FREM2: variants seen among roughly 807,000 people sequenced by gnomAD.
FREM2 encodes FRAS1 related extracellular matrix 2.
A neutral mutation model predicts 219.9 loss-of-function variants in FREM2; 119 were observed. The observed-to-expected ratio is 0.54, with a 90% CI of 0.47 to 0.63. The LOEUF (loss-of-function observed/expected upper bound fraction) is 0.63, where lower values mean the gene tolerates loss of function less well. FREM2 is among the 30% of genes least tolerant of loss of function. The pLI is 0.00. For missense variants in FREM2, 4,030 were observed against 3,993.6 expected (o/e 1.01, Z -0.25); for synonymous variants, 1,562 against 1,522.8 (o/e 1.03, Z -0.60).
intron 6 of FREM2, among the ~76,000 whole-genome samples, chr13:38,826,814 CTGA>C (rs978770724): frequency 2.0e-5 from 3 of 152,008 alleles, no homozygotes; most frequent in Admixed American, 6.6e-5. Context: ...TATGTGACTT[CTGA>C]TTGGTGATTT....
At chr13:38,838,975 A>T (rs1876831002) in intron 6 of FREM2, among the ~76,000 whole-genome samples, 1 of 152,060 alleles carries the variant, frequency 6.6e-6, no homozygotes, top group Non-Finnish European at 1.5e-5. Flanking sequence ...CGTCAAACTC[A>T]TTCTACACCC....
At chr13:38,877,959 G>T (rs562690182) in intron 21 of FREM2, among the ~76,000 whole-genome samples, 175 bp from the exon 22 acceptor site, 1 of 152,252 alleles carries the variant, frequency 6.6e-6, no homozygotes, top group East Asian at 1.9e-4. Context: ...TCTTACCTGA[G>T]GCCTGAGAAT....
rs59108347 is a variant in FREM2 at position 38,709,986 on chromosome 13, TACACACACACACACACAC to T, written c.5263+12233_5263+12250del. Among the ~76,000 whole-genome samples, 968 of 130,412 alleles carry T rather than the reference TACACACACACACACACAC, an allele frequency of 7.4e-3. 11 individuals carry two copies. Among genetic ancestry groups the T allele is most frequent in the African/African-American group, 0.015 (546 of 35,330 alleles). The allele number at this position is 130,412 out of a possible 152,430, so 85.6% of individuals were successfully genotyped here. A position where few individuals can be genotyped will look rare whatever the true frequency, so the allele number is the denominator to read the frequency against. On this transcript the variant is annotated intron_variant, in intron 2 of 23. Coordinates refer to ENST00000280481, the MANE Select transcript of FREM2 (RefSeq NM_207361.6). ...GGTGAAAAATTAGTCTAACTAAAAA[TACACACACACACACACAC>T]ACACACACACACACACACACACACA...
At chr13:38,823,465 C>G (rs1876150561) in intron 6 of FREM2, among the ~76,000 whole-genome samples, 1 of 152,066 alleles carries the variant, frequency 6.6e-6, no homozygotes, top group Non-Finnish European at 1.5e-5. Flanking sequence ...CTGGCCATGG[C>G]TCCCTGCTTT....
chr13:38,787,333 C>T (rs74640351), intron 6 of FREM2, among the ~76,000 whole-genome samples: 31 of 152,284 alleles, frequency 2.0e-4, no homozygotes, highest in African/African-American at 6.7e-4. Flanking sequence ...CTGTCATTTA[C>T]CTTCCACTTC....
At chr13:38,825,136 A>G (rs1486248385) in intron 6 of FREM2, among the ~76,000 whole-genome samples, 1 of 152,124 alleles carries the variant, frequency 6.6e-6, no homozygotes, top group East Asian at 1.9e-4. Flanking sequence ...GAATACCAAT[A>G]TGTTTAGCTG....
chr13:38,878,545 T>A (rs1878431664), intron 22 of FREM2, among the ~76,000 whole-genome samples: 1 of 151,566 alleles, frequency 6.6e-6, no homozygotes, highest in East Asian at 2.0e-4. Flanking sequence ...CCGAGCATCG[T>A]GGCACATGCC....
chr13:38,807,040 A>G (rs146433791), intron 6 of FREM2, among the ~76,000 whole-genome samples: 1 of 150,586 alleles, frequency 6.6e-6, no homozygotes, highest in Non-Finnish European at 1.5e-5. Flanking sequence ...CTCCAATTCT[A>G]GCTCTCTTGC....
At chr13:38,739,392 A>T (rs1230941703) in intron 2 of FREM2, among the ~76,000 whole-genome samples, 1 of 152,162 alleles carries the variant, frequency 6.6e-6, no homozygotes, top group Non-Finnish European at 1.5e-5. Context: ...ACCAGGAGTG[A>T]TTATGTAGAA....
intron 6 of FREM2, among the ~76,000 whole-genome samples, chr13:38,789,463 C>G (rs1454377004): frequency 6.6e-6 from 1 of 150,700 alleles, no homozygotes; most frequent in Non-Finnish European, 1.5e-5. Context: ...CTCTGTCTGT[C>G]TCTTTTCCTT....
At chr13:38,756,772 C>G (rs1240133520) in intron 2 of FREM2, among the ~76,000 whole-genome samples, 1 of 151,714 alleles carries the variant, frequency 6.6e-6, no homozygotes, top group Non-Finnish European at 1.5e-5. Flanking sequence ...AACTCCTGAC[C>G]TCAGGTGATC....
intron 6 of FREM2, among the ~76,000 whole-genome samples, chr13:38,839,582 G>A (rs139924324): frequency 1.2e-3 from 179 of 152,306 alleles, no homozygotes; most frequent in Middle Eastern, 6.8e-3. Flanking sequence ...TCCCCAAGGT[G>A]CTCTGTCCCA....
intron 2 of FREM2, among the ~76,000 whole-genome samples, chr13:38,762,597 G>T (rs1369398276): frequency 1.3e-5 from 2 of 151,938 alleles, no homozygotes. Flanking sequence ...GCGCCACCAT[G>T]CCTGGCTAGT....
chr13:38,787,271 CCACT>C (rs1310163678), intron 6 of FREM2, among the ~76,000 whole-genome samples: 35 of 152,164 alleles, frequency 2.3e-4, no homozygotes. Flanking sequence ...ATTCACTCAA[CCACT>C]ATTCAATAAA....
chr13:38,770,527 T>G (rs1873620598), intron 4 of FREM2, among the ~76,000 whole-genome samples: 1 of 152,220 alleles, frequency 6.6e-6, no homozygotes, highest in African/African-American at 2.4e-5. Context: ...ACAAACGGTT[T>G]GAGAATGAGA....
At chr13:38,806,560 A>ATTG (rs1266183798) in intron 6 of FREM2, among the ~76,000 whole-genome samples, 5 of 152,022 alleles carry the variant, frequency 3.3e-5, no homozygotes, top group African/African-American at 1.2e-4. Context: ...GTGTCTAAAA[A>ATTG]TGTACATACC....
chr13:38,751,336 C>T (rs1295030453), intron 2 of FREM2, among the ~76,000 whole-genome samples: 2 of 152,024 alleles, frequency 1.3e-5, no homozygotes, highest in Admixed American at 6.6e-5. Flanking sequence ...TTTCTTAAAG[C>T]GTGGTGCAAA....
chr13:38,877,219 G>A lies in FREM2; in HGVS notation c.8647G>A (p.Glu2883Lys). Residue 2883 changes from glutamate to lysine, a missense_variant, in exon 21 of 24, where the codon GAG becomes AAG. This residue lies in a region of FREM2 where 928 missense variants were observed against 1,042.9 expected (regional missense o/e 0.89). Coordinates refer to ENST00000280481, the MANE Select transcript of FREM2 (RefSeq NM_207361.6). The stretch of plus-strand genomic sequence containing the variant: ...TGATGGATCCATGGGATTCGGGCAA[G>A]AGAGTGATGTTGCTTTTGCAGAAGG... ...LSDGSMGFGQ[E>K]SDVAFAEGDI... 3 of 1,614,050 alleles carry A rather than the reference G, an allele frequency of 1.9e-6. No individual in the cohort carries two copies. The highest frequency in any genetic ancestry group is 2.5e-6 in the Non-Finnish European group (3 of 1,179,920).
In FREM2 at chr13:38,691,191, G is replaced by A. The variant is rs761243265; in HGVS notation, c.3847G>A (p.Asp1283Asn). 2 of 1,614,104 alleles carry A rather than the reference G, an allele frequency of 1.2e-6. No homozygotes were observed. Among genetic ancestry groups the A allele is most frequent in the South Asian group, 1.1e-5 (1 of 91,058 alleles). The change falls in exon 1 of 24, where the codon GAT becomes AAT. Residue 1283 changes from aspartate to asparagine, a missense_variant. By Grantham distance (23) the Asp-to-Asn change is conservative (BLOSUM62 1). This residue lies in a region of FREM2 where 3,102 missense variants were observed against 2,950.7 expected (regional missense o/e 1.05). Coordinates refer to ENST00000280481, the MANE Select transcript of FREM2 (RefSeq NM_207361.6). ...QEDSFVIKLT[D>N]GKHSVEKTVL... ...AGACAGTTTTGTGATTAAACTAACA[G>A]ATGGGAAGCACTCTGTGGAAAAGAC... is the stretch of plus-strand genomic sequence containing the variant.
Sources: gnomAD v4.1 joint callset for allele counts (sites outside exome capture counted in the v4.1 genomes callset) on GRCh38, gnomAD v4.1.1 for gene constraint, gnomAD v4.1.1 regional missense constraint, MANE v1.5 for transcripts, NCBI Gene and HGNC (gene_info 2026-07-23, HGNC 2026-07-21) for gene names.